Variants in EFCAB11 observed in about 807,000 individuals in gnomAD.
EFCAB11 encodes EF-hand calcium binding domain 11.
In EFCAB11, 14 loss-of-function variants were observed where a neutral mutation model predicts 23.0. That is an observed-to-expected ratio of 0.61 (90% CI 0.40 to 0.95). The LOEUF (loss-of-function observed/expected upper bound fraction) is 0.95, where lower values mean the gene tolerates loss of function less well. EFCAB11 is among the 40% of genes least tolerant of loss of function. EFCAB11 has a pLI of 0.00. For synonymous variants in EFCAB11, 65 were observed against 66.6 expected, an observed-to-expected ratio of 0.98 and a Z score of 0.11; for missense variants, 198 against 195.8, an observed-to-expected ratio of 1.01 and a Z score of -0.07.
rs527503626 is a variant in EFCAB11, at chr14:89,872,072, C to G, written c.410+59469G>C. On this transcript the variant is annotated intron_variant, in intron 5 of 5. Transcript: ENST00000316738. ...GAAGATGTAAATTTTATCATCCATCCCTTTAAGAAAGTTTCAGGGGCTCCA... is the reference window on the plus strand; with the variant it reads ...GAAGATGTAAATTTTATCATCCATCGCTTTAAGAAAGTTTCAGGGGCTCCA... Among the ~76,000 whole-genome samples, 3 of 152,244 alleles carry G rather than the reference C, an allele frequency of 2.0e-5. No individual in the cohort carries two copies. In the South Asian group the frequency reaches 6.2e-4, roughly 32 times the overall value.
chr14:89,954,581 C>A lies in EFCAB11; in HGVS notation c.75+5G>T. 6.2e-7 allele frequency: 1 copy of A among 1,613,742 alleles called. No individual in the cohort carries two copies. Among genetic ancestry groups the A allele is most frequent in the Non-Finnish European group, 8.5e-7 (1 of 1,179,914 alleles). On this transcript the variant is annotated splice_donor_5th_base_variant and intron_variant, in intron 1 of 5. Transcript: ENST00000316738. ...CCGAGGCTCAGTCGCCCTCCGGAAA[C>A]CTACTTCCACCCACTTCCTGTGTTC...
chr14:89,923,682 T>C (rs780584189), intron 5 of EFCAB11: 18 of 985,184 alleles, frequency 1.8e-5, no homozygotes, highest in East Asian at 1.1e-4. Context: ...CAAAGACCAA[T>C]AGTCATAGTC....
At position 89,927,751 on chromosome 14, in the gene EFCAB11, C is replaced by T. The variant is rs60002884; in HGVS notation, c.410+3790G>A. 4.9e-3 allele frequency among the ~76,000 whole-genome samples: 739 copies of T among 151,058 alleles called. 4 individuals carry two copies. Among genetic ancestry groups the T allele is most frequent in the African/African-American group, 0.017 (707 of 41,154 alleles). ...TTTTTTTTTTTTTGAGACGGAGTCT[C>T]GCTCTTGTTGCCCAGGCTGAAGTGC... On this transcript the variant is annotated intron_variant, in intron 5 of 5. Transcript: ENST00000316738.
intron 5 of EFCAB11, among the ~76,000 whole-genome samples, chr14:89,879,325 T>C (rs2140173422): frequency 6.6e-6 from 1 of 152,292 alleles, no homozygotes; most frequent in Admixed American, 6.5e-5. Context: ...TTGGTTCCTT[T>C]CAGCATCATA....
intron 1 of EFCAB11, 104 bp from the exon 2 acceptor site, chr14:89,954,105 C>T: frequency 1.0e-6 from 1 of 995,708 alleles, no homozygotes; most frequent in Non-Finnish European, 1.5e-6. Context: ...CTTGGCCCAG[C>T]GGTAGAGTAT....
intron 5 of EFCAB11, among the ~76,000 whole-genome samples, chr14:89,921,523 T>C (rs1007395951): frequency 6.6e-6 from 1 of 152,242 alleles, no homozygotes; most frequent in Non-Finnish European, 1.5e-5. Context: ...CATGTCTGAC[T>C]CAGTACCTTT....
chr14:89,953,559 CA>C (rs981584064), intron 2 of EFCAB11, among the ~76,000 whole-genome samples: 6 of 152,302 alleles, frequency 3.9e-5, no homozygotes, highest in South Asian at 2.1e-4. Context: ...AACAAAGCAA[CA>C]AAAGTAAAAC....
intron 5 of EFCAB11, among the ~76,000 whole-genome samples, chr14:89,917,975 C>CT (rs1889903417): frequency 6.6e-6 from 1 of 152,090 alleles, no homozygotes; most frequent in Admixed American, 6.5e-5. Context: ...GAATCGAGGA[C>CT]TGGCTCTCCA....
chr14:89,804,256 C>T (rs1004515622), intron 5 of EFCAB11, among the ~76,000 whole-genome samples: 1 of 152,222 alleles, frequency 6.6e-6, no homozygotes, highest in Non-Finnish European at 1.5e-5. Context: ...AGTTTACACT[C>T]CAGCTCACTC....
rs544773524 is a variant in EFCAB11, at chr14:89,891,682, C to A, written c.410+39859G>T. The stretch of plus-strand genomic sequence containing the variant: ...AGGAAAATTACAGCTCCATTTTAGA[C>A]ACAAACACACACACACACACGCACG... On this transcript the variant is annotated intron_variant, in intron 5 of 5. Coordinates refer to ENST00000316738, the MANE Select transcript of EFCAB11 (RefSeq NM_145231.4). 4.8e-4 allele frequency among the ~76,000 whole-genome samples: 73 copies of A among 152,236 alleles called. No homozygotes were observed. The South Asian group carries it at 0.014, about 29-fold the overall frequency.
intron 5 of EFCAB11, among the ~76,000 whole-genome samples, chr14:89,894,661 CAT>C (rs1422260591): frequency 6.6e-6 from 1 of 152,060 alleles, no homozygotes; most frequent in Non-Finnish European, 1.5e-5. Flanking sequence ...CTAGCCAGTG[CAT>C]ATGTCAGCAA....
chr14:89,923,136 G>C (rs189171439), intron 5 of EFCAB11, among the ~76,000 whole-genome samples: 48 of 152,268 alleles, frequency 3.2e-4, no homozygotes, highest in Non-Finnish European at 5.7e-4. Flanking sequence ...TTCTCTACTT[G>C]CTTCCTGGTC....
chr14:89,824,589 T>C (rs1332477538), intron 5 of EFCAB11, among the ~76,000 whole-genome samples: 2 of 152,016 alleles, frequency 1.3e-5, no homozygotes, highest in Admixed American at 6.6e-5. Context: ...AAAATCAGGA[T>C]TGCCAGAAAA....
intron 5 of EFCAB11, among the ~76,000 whole-genome samples, chr14:89,820,397 T>C (rs1407512121): frequency 6.6e-6 from 1 of 152,002 alleles, no homozygotes; most frequent in Non-Finnish European, 1.5e-5. Flanking sequence ...TTTTCCTCTC[T>C]CCTTCCACTC....
intron 5 of EFCAB11, among the ~76,000 whole-genome samples, chr14:89,887,084 C>A (rs969441793): frequency 6.6e-6 from 1 of 152,210 alleles, no homozygotes. Flanking sequence ...CTGAACTAAC[C>A]TGAACATCCA....
chr14:89,907,791 G>T (rs747270116), intron 5 of EFCAB11, among the ~76,000 whole-genome samples: 1 of 152,152 alleles, frequency 6.6e-6, no homozygotes, highest in South Asian at 2.1e-4. Flanking sequence ...TTCCAATGTG[G>T]AGTCAGACTG....
At chr14:89,800,188 T>TAAACAAACAAAC (rs55693480) in intron 5 of EFCAB11, among the ~76,000 whole-genome samples, 219 of 150,008 alleles carry the variant, frequency 1.5e-3, no homozygotes, top group Non-Finnish European at 2.3e-3. Context: ...CTCAATCTCG[T>TAAACAAACAAAC]AAACAAACAA....
rs761342812 is a variant in EFCAB11 at position 89,950,129 on chromosome 14, G to C, written c.185C>G (p.Ser62Cys). The C allele has an allele frequency of 1.3e-5, 20 of 1,558,292 alleles. No individual in the cohort carries two copies. In the Admixed American group the frequency reaches 2.6e-4, roughly 20 times the overall value. Residue 62 changes from serine (S) to cysteine (C), a missense_variant, in exon 3 of 6, where the codon TCT becomes TGT. Ser to Cys is a moderately radical substitution (Grantham distance 112). Coordinates refer to ENST00000316738, the MANE Select transcript of EFCAB11 (RefSeq NM_145231.4). ...GYKPSKIEVD[S>C]VMSSINPNTS... is the part of the protein sequence containing the mutation. ...ATTTGGATTTATTGAAGACATCACA[G>C]AATCCACTTCTATCTAGAAAAGAGG...
chr14:89,922,911 A>C lies in EFCAB11; in HGVS notation c.410+8630T>G, dbSNP rs1486472868. 2.6e-5 allele frequency among the ~76,000 whole-genome samples: 4 copies of C among 152,336 alleles called. No individual in the cohort carries two copies. In the East Asian group the frequency reaches 7.7e-4, roughly 29 times the overall value. ...AGGTGGCAGAGTAGGGCCGGCTTTC[A>C]AGATAAGAAATATCTTAACAGCTGG... On this transcript the variant is annotated intron_variant, in intron 5 of 5. Transcript: ENST00000316738.
Sources: gnomAD v4.1 joint callset for allele counts (sites outside exome capture counted in the v4.1 genomes callset) on GRCh38, gnomAD v4.1.1 for gene constraint, MANE v1.5 for transcripts, NCBI Gene and HGNC (gene_info 2026-07-23, HGNC 2026-07-21) for gene names.